The following TUT4 variants were observed in gnomAD, a reference collection of about 807,000 sequenced individuals.
The protein encoded by TUT4 is terminal uridylyl transferase 4.
TUT4 carries 36 observed loss-of-function variants against 192.2 expected under a neutral mutation model. The observed-to-expected ratio is 0.19, with a 90% CI of 0.14 to 0.25. The LOEUF (loss-of-function observed/expected upper bound fraction) is 0.25, where lower values mean the gene tolerates loss of function less well. Ranked by LOEUF, TUT4 falls within the 10% of genes least tolerant of loss-of-function variation. The pLI, the probability that TUT4 is intolerant of heterozygous loss-of-function variation, is 1.00. For missense variants in TUT4, 1,493 were observed against 1,957.2 expected, an observed-to-expected ratio of 0.76 and a Z score of 4.47; for synonymous variants, 618 against 666.0, an observed-to-expected ratio of 0.93 and a Z score of 1.11.
chr1:52,448,433 C>CA (rs1157890838), intron 20 of TUT4, among the ~76,000 whole-genome samples: 1 of 151,734 alleles, frequency 6.6e-6, no homozygotes, highest in Non-Finnish European at 1.5e-5. Flanking sequence ...AATAAAAATA[C>CA]AAAAAATTGG....
chr1:52,463,936 T>C (rs41294514), intron 16 of TUT4, among the ~76,000 whole-genome samples: 2 of 152,110 alleles, frequency 1.3e-5, no homozygotes, highest in African/African-American at 2.4e-5. Context: ...ATATTTCAGC[T>C]ACATTATGGG....
At chr1:52,435,281 C>G in intron 27 of TUT4, 84 bp downstream of exon 27, 1 of 1,092,288 alleles carries the variant, frequency 9.2e-7, no homozygotes, top group African/African-American at 1.5e-5. Context: ...ATTGTATTAG[C>G]CAGTCTGAGA....
chr1:52,475,539 G>A lies in TUT4; in HGVS notation c.2024-4C>T. On this transcript the variant is annotated splice_region_variant and splice_polypyrimidine_tract_variant and intron_variant, in intron 12 of 29. Coordinates refer to ENST00000257177, the MANE Select transcript of TUT4 (RefSeq NM_001009881.3). ...TTCCTCTTGACTGAAAATGGATCTA[G>A]CAAAAGAGAAAATGGTAAATAGCTA... 1 of 1,601,216 alleles carries A rather than the reference G, an allele frequency of 6.2e-7. No homozygotes were observed. The highest frequency in any genetic ancestry group is 1.1e-5 in the South Asian group (1 of 90,026).
chr1:52,491,254 C>T lies in TUT4; in HGVS notation c.1319-453G>A, dbSNP rs74848061. ...AATTACAACCTAACTCTTCAGGCCA[C>T]ATTTCCCGTTAGTATATGAAGAGTT... On this transcript the variant is annotated intron_variant, in intron 7 of 29. Transcript: ENST00000257177. Among the ~76,000 whole-genome samples, 520 of 152,312 alleles carry T rather than the reference C, an allele frequency of 3.4e-3. 2 individuals carry two copies. Among genetic ancestry groups the T allele is most frequent in the African/African-American group, 0.012 (497 of 41,550 alleles).
At chr1:52,542,650 T>C (rs1302612322) in intron 1 of TUT4, among the ~76,000 whole-genome samples, 1 of 152,164 alleles carries the variant, frequency 6.6e-6, no homozygotes, top group Non-Finnish European at 1.5e-5. Context: ...AAAAGCTATC[T>C]AAGGAAAACC....
At chr1:52,538,093 G>A (rs970080752) in intron 1 of TUT4, among the ~76,000 whole-genome samples, 15 of 151,972 alleles carry the variant, frequency 9.9e-5, no homozygotes, top group East Asian at 3.9e-4. Context: ...AAAATTAGCC[G>A]GGTGTGGTGG....
At chr1:52,461,108 C>G (rs776728708) in intron 19 of TUT4, 26 bp downstream of exon 19, 1 of 1,502,906 alleles carries the variant, frequency 6.7e-7, no homozygotes, top group Non-Finnish European at 9.1e-7. Flanking sequence ...ATGAACAAAG[C>G]AGATCATTAA....
At chr1:52,497,262 C>A in intron 4 of TUT4, 79 bp from the exon 5 acceptor site, 1 of 1,362,050 alleles carries the variant, frequency 7.3e-7, no homozygotes, top group South Asian at 1.6e-5. Flanking sequence ...CAGGGAAAGA[C>A]AGAAATAAAC....
At chr1:52,428,067 T>C (rs557307442) in intron 28 of TUT4, among the ~76,000 whole-genome samples, 3 of 152,198 alleles carry the variant, frequency 2.0e-5, no homozygotes, top group African/African-American at 7.2e-5. Flanking sequence ...CAGTGCCTTA[T>C]AGTTAATATC....
intron 2 of TUT4, among the ~76,000 whole-genome samples, chr1:52,521,521 C>T (rs761443667): frequency 6.6e-6 from 1 of 151,478 alleles, no homozygotes. Context: ...AAAAATTAGC[C>T]GGGTGTAGTG....
chr1:52,438,895 C>T (rs1371302964), intron 24 of TUT4, among the ~76,000 whole-genome samples: 3 of 152,080 alleles, frequency 2.0e-5, no homozygotes, highest in Non-Finnish European at 2.9e-5. Flanking sequence ...CATGGCAAAA[C>T]CCCGTCTCTA....
intron 4 of TUT4, among the ~76,000 whole-genome samples, chr1:52,508,914 T>A (rs929724448): frequency 3.3e-5 from 5 of 152,220 alleles, no homozygotes; most frequent in African/African-American, 9.7e-5. Context: ...GCTTATAAGT[T>A]TCTTAATTGT....
At chr1:52,446,232 T>G in intron 22 of TUT4, 33 bp downstream of exon 22, 1 of 1,573,934 alleles carries the variant, frequency 6.4e-7, no homozygotes, top group Non-Finnish European at 8.6e-7. Flanking sequence ...CAAATTTTGG[T>G]TGCTCCTGAA....
rs1224181023 is a variant in TUT4, at chr1:52,445,847, T to C, written c.3762A>G (p.Ala1254=). The change falls in exon 24 of 30, where the codon GCA becomes GCG. Residue 1254 remains alanine, a synonymous_variant. Transcript: ENST00000257177. ...SRKMTNFIMK[A]FINGRKLFGT... ...CAAAAAGTTTCCTTCCATTGATAAATGCTTTCATGATGAAATTGGTCACTA... is the reference window on the plus strand; with the variant it reads ...CAAAAAGTTTCCTTCCATTGATAAACGCTTTCATGATGAAATTGGTCACTA... 1.9e-6 allele frequency: 3 copies of C among 1,612,980 alleles called. No homozygotes were observed. The South Asian group carries it at 3.3e-5, about 18-fold the overall frequency.
At chr1:52,443,880 T>C (rs1214226127) in intron 24 of TUT4, among the ~76,000 whole-genome samples, 1 of 152,220 alleles carries the variant, frequency 6.6e-6, no homozygotes, top group Non-Finnish European at 1.5e-5. Flanking sequence ...GGTAAAATGC[T>C]TTATCAGTGT....
intron 4 of TUT4, among the ~76,000 whole-genome samples, chr1:52,505,216 C>A (rs913306869): frequency 6.6e-6 from 1 of 152,060 alleles, no homozygotes; most frequent in Non-Finnish European, 1.5e-5. Flanking sequence ...CTTGGGGGGA[C>A]AGCATTCAGT....
At chr1:52,546,205 T>C (rs190091703) in intron 1 of TUT4, among the ~76,000 whole-genome samples, 133 of 152,202 alleles carry the variant, frequency 8.7e-4, no homozygotes, top group South Asian at 2.5e-3. Flanking sequence ...CTTCTGGGTA[T>C]ATACCAAAAA....
chr1:52,551,534 T>C (rs1013201163), intron 1 of TUT4, among the ~76,000 whole-genome samples: 9 of 152,360 alleles, frequency 5.9e-5, no homozygotes, highest in African/African-American at 2.2e-4. Flanking sequence ...AAAAGCAACA[T>C]AGCACACTAG....
intron 19 of TUT4, among the ~76,000 whole-genome samples, chr1:52,459,533 G>C (rs982719142): frequency 3.3e-5 from 5 of 152,134 alleles, no homozygotes; most frequent in Admixed American, 6.5e-5. Flanking sequence ...AGGCTGCAGT[G>C]AGCTGTAATC....
Sources: allele counts gnomAD v4.1 joint callset (sites outside exome capture counted in the v4.1 genomes callset), GRCh38; gene constraint gnomAD v4.1.1; transcripts MANE v1.5; gene names NCBI Gene and HGNC (gene_info 2026-07-23, HGNC 2026-07-21).